ONECUT3: variants seen among roughly 807,000 people sequenced by gnomAD.
ONECUT3 encodes the protein one cut domain family member 3.
ONECUT3 carries 11 observed loss-of-function variants against 16.8 expected under a neutral mutation model. The ratio of observed to expected loss-of-function variants is 0.66; its 90% CI spans 0.41 to 1.09. ONECUT3 has a LOEUF of 1.09. Among genes scored for constraint, ONECUT3 ranks in the 50% least tolerant of loss-of-function variants. ONECUT3 has a pLI of 0.00. For synonymous variants in ONECUT3, 344 were observed against 310.7 expected (o/e 1.11, Z -1.13); for missense variants, 637 against 629.9 (o/e 1.01, Z -0.12).
Position 1,766,942 on chromosome 19 carries a change from A to C in ONECUT3, c.1193-8211A>C, listed in dbSNP as rs1338947733. On this transcript the variant is annotated intron_variant, in intron 1 of 1. Transcript: ENST00000382349. This position sits in a 1 kb window ranked among gnomAD's most constrained non-coding sequence, Gnocchi z 4.0. ...AAGATCTCAGGCCCCACGAGGCTAA[A>C]AGGAGGAACAGTGGCCCCTGGGAGT... is the stretch of plus-strand genomic sequence containing the variant. Among the ~76,000 whole-genome samples, 1 of 151,924 alleles carries C rather than the reference A, an allele frequency of 6.6e-6. No individual in the cohort carries two copies. Among genetic ancestry groups the C allele is most frequent in the African/African-American group, 2.4e-5 (1 of 41,350 alleles).
intron 1 of ONECUT3, among the ~76,000 whole-genome samples, chr19:1,757,480 C>T (rs1600338599): frequency 6.6e-6 from 1 of 152,370 alleles, no homozygotes; most frequent in African/African-American, 2.4e-5. Flanking sequence ...CCCCGAGCCT[C>T]CCGCAGGGCG....
rs1302227674 is a variant in ONECUT3 at position 1,755,738 on chromosome 19, C to T, written c.1192+884C>T. Among the ~76,000 whole-genome samples, 1 of 152,214 alleles carries T rather than the reference C, an allele frequency of 6.6e-6. No individual in the cohort carries two copies. Among genetic ancestry groups the T allele is most frequent in the African/African-American group, 2.4e-5 (1 of 41,436 alleles). Reference sequence around the variant, plus strand: ...CCTGCTCATTATCTCTTCTCCCTGTCGGTCTCTCCGCCTCTGTCTCTGTCT... The same window carrying T: ...CCTGCTCATTATCTCTTCTCCCTGTTGGTCTCTCCGCCTCTGTCTCTGTCT... On this transcript the variant is annotated intron_variant, in intron 1 of 1. Transcript: ENST00000382349. The surrounding 1 kb of genome is among the most constrained non-coding windows in gnomAD (Gnocchi z 7.5).
rs375040952 is a variant in ONECUT3 at position 1,759,368 on chromosome 19, T to C, written c.1192+4514T>C. Among the ~76,000 whole-genome samples, 1 of 151,138 alleles carries C rather than the reference T, an allele frequency of 6.6e-6. No homozygotes were observed. The highest frequency in any genetic ancestry group is 1.5e-5 in the Non-Finnish European group (1 of 67,798). On this transcript the variant is annotated intron_variant, in intron 1 of 1. Transcript: ENST00000382349. This position sits in a 1 kb window ranked among gnomAD's most constrained non-coding sequence, Gnocchi z 4.1. ...CGCTGCCACCATCAAGGGCTGAGGTTGAAATGGGCGAGGCAATCTGGGAGT... is the reference window on the plus strand; with the variant it reads ...CGCTGCCACCATCAAGGGCTGAGGTCGAAATGGGCGAGGCAATCTGGGAGT...
Position 1,778,554 on chromosome 19 carries a change from C to T in ONECUT3, c.*3109C>T, listed in dbSNP as rs1043686856. Reference sequence around the variant, plus strand: ...GGGTGCTGGGTCTCCTAGATGCCCTCTGCTTGGCCTTCAAGGCCCCAAGGG... The same window carrying T: ...GGGTGCTGGGTCTCCTAGATGCCCTTTGCTTGGCCTTCAAGGCCCCAAGGG... On this transcript the variant is annotated 3_prime_UTR_variant, in exon 2 of 2. Coordinates refer to ENST00000382349, the MANE Select transcript of ONECUT3 (RefSeq NM_001080488.2). 39 of 151,996 alleles carry T rather than the reference C, an allele frequency of 2.6e-4. 2 individuals are homozygous for T. Among genetic ancestry groups the T allele is most frequent in the Non-Finnish European group, 1.5e-5 (1 of 68,014 alleles). The allele number at this position is 151,996 out of a possible 1,614,324, so 9.4% of individuals were successfully genotyped here. A position where few individuals can be genotyped will look rare whatever the true frequency, so the allele number is the denominator to read the frequency against.
At chr19:1,775,126 G>GGGCGC in intron 1 of ONECUT3, 27 bp from the exon 2 acceptor site, 2 of 1,143,894 alleles carry the variant, frequency 1.7e-6, no homozygotes, top group Non-Finnish European at 2.4e-6. Context: ...TGTCCCGCTC[G>GGGCGC]CCCGCCCGCC....
chr19:1,772,509 A>T (rs1057391016), intron 1 of ONECUT3, among the ~76,000 whole-genome samples: 1 of 151,488 alleles, frequency 6.6e-6, no homozygotes, highest in Non-Finnish European at 1.5e-5. Flanking sequence ...CTGGAAACTC[A>T]TCTTTCAACG....
In ONECUT3 at chr19:1,779,379, C is replaced by G. The variant is rs184947323; in HGVS notation, c.*3934C>G. ...TACAGATTTCTTATTTAAATGAGTC[C>G]TTTAGGAAAGAAAGGAAGAGAGAGA... On this transcript the variant is annotated 3_prime_UTR_variant, in exon 2 of 2. Coordinates refer to ENST00000382349, the MANE Select transcript of ONECUT3 (RefSeq NM_001080488.2). The G allele has an allele frequency of 1.3e-5, 2 of 151,220 alleles. No homozygotes were observed. The highest frequency in any genetic ancestry group is 1.3e-4 in the Admixed American group (2 of 15,160). 9.4% of individuals were successfully genotyped at this position (151,220 alleles called of 1,614,324 possible).
At chr19:1,775,132 C>CCGCCCGCCGCT (rs747817539) in intron 1 of ONECUT3, 21 bp from the exon 2 acceptor site, 25 of 1,268,960 alleles carry the variant, frequency 2.0e-5, no homozygotes, top group South Asian at 6.2e-5. Flanking sequence ...GCTCGCCCGC[C>CCGCCCGCCGCT]CGCCCGCCGC....
chr19:1,769,427 G>C (rs1281548593), intron 1 of ONECUT3, among the ~76,000 whole-genome samples: 1 of 152,086 alleles, frequency 6.6e-6, no homozygotes, highest in East Asian at 1.9e-4. Flanking sequence ...CATGAGGCTG[G>C]TGGTTGGTAC....
chr19:1,765,652 G>A (rs2067980497), intron 1 of ONECUT3, among the ~76,000 whole-genome samples: 1 of 152,198 alleles, frequency 6.6e-6, no homozygotes, highest in African/African-American at 2.4e-5. Flanking sequence ...CCGTGCTTCG[G>A]CGTTCATTCC....
At position 1,778,891 on chromosome 19, in the gene ONECUT3, C is replaced by CACAT. The variant is rs35219912; in HGVS notation, c.*3449_*3450insTACA. 0.079 allele frequency: 11,897 copies of CACAT among 150,914 alleles called. 590 individuals are homozygous for CACAT. Among genetic ancestry groups the CACAT allele is most frequent in the East Asian group, 0.19 (968 of 5,038 alleles). 9.3% of individuals were successfully genotyped at this position (150,914 alleles called of 1,614,324 possible). ...TCACACACACACACACACACACACACACACACACACACACACACACACCCC... is the reference window on the plus strand; with the variant it reads ...TCACACACACACACACACACACACACACATACACACACACACACACACACACCCC... On this transcript the variant is annotated 3_prime_UTR_variant, in exon 2 of 2. Coordinates refer to ENST00000382349, the MANE Select transcript of ONECUT3 (RefSeq NM_001080488.2).
rs1250955144 is a variant in ONECUT3 at position 1,758,732 on chromosome 19, G to A, written c.1192+3878G>A. On this transcript the variant is annotated intron_variant, in intron 1 of 1. Transcript: ENST00000382349. The surrounding 1 kb of genome is among the most constrained non-coding windows in gnomAD (Gnocchi z 5.9). ...CTCCTGGTCAAAGCTCTCCCCTGGC[G>A]CCGTCTCCAACAGTAATTATGGGAG... Among the ~76,000 whole-genome samples the A allele has an allele frequency of 1.3e-5, 2 of 150,172 alleles. No homozygotes were observed. Among genetic ancestry groups the A allele is most frequent in the Admixed American group, 6.6e-5 (1 of 15,162 alleles).
At chr19:1,767,544 A>G (rs1178109981) in intron 1 of ONECUT3, among the ~76,000 whole-genome samples, 1 of 152,144 alleles carries the variant, frequency 6.6e-6, no homozygotes. Flanking sequence ...GTCTCCCCCC[A>G]GTCCAGCCCC....
At chr19:1,770,768 C>T (rs1392550361) in intron 1 of ONECUT3, among the ~76,000 whole-genome samples, 1 of 152,180 alleles carries the variant, frequency 6.6e-6, no homozygotes, top group Non-Finnish European at 1.5e-5. Flanking sequence ...GAGGTCAATT[C>T]AGTTTTTTGC....
In ONECUT3 at chr19:1,777,694, T is replaced by C. The variant is rs1269917680; in HGVS notation, c.*2249T>C. 1 of 152,204 alleles carries C rather than the reference T, an allele frequency of 6.6e-6. No homozygotes were observed. The highest frequency in any genetic ancestry group is 1.9e-4 in the East Asian group (1 of 5,194). The allele number at this position is 152,204 out of a possible 1,614,324, so 9.4% of individuals were successfully genotyped here. A position where few individuals can be genotyped will look rare whatever the true frequency, so the allele number is the denominator to read the frequency against. ...TCCAGGGCCCACGTTTTAATTTCTT[T>C]TTAAAAAGCTTTAGGTCTTGCCGGG... On this transcript the variant is annotated 3_prime_UTR_variant, in exon 2 of 2. Coordinates refer to ENST00000382349, the MANE Select transcript of ONECUT3 (RefSeq NM_001080488.2).
In ONECUT3 at chr19:1,758,333, GAGAC is replaced by G. The variant is rs1367323583; in HGVS notation, c.1192+3483_1192+3486del. Among the ~76,000 whole-genome samples the G allele has an allele frequency of 5.4e-3, 779 of 145,398 alleles. 10 individuals carry two copies. The highest frequency in any genetic ancestry group is 0.017 in the African/African-American group (626 of 37,454). On this transcript the variant is annotated intron_variant, in intron 1 of 1. Coordinates refer to ENST00000382349, the MANE Select transcript of ONECUT3 (RefSeq NM_001080488.2). The surrounding 1 kb of genome is among the most constrained non-coding windows in gnomAD (Gnocchi z 5.9). ...AAAAAAAAAGAGAGAGAGAGAGAGA[GAGAC>G]AGAGATGGGAGAGGAACTCTGGGTG...
At position 1,775,791 on chromosome 19, in the gene ONECUT3, A is replaced by C; in HGVS notation, c.*346A>C. The C allele has an allele frequency of 8.9e-5, 17 of 190,886 alleles. No individual in the cohort carries two copies. The highest frequency in any genetic ancestry group is 1.3e-4 in the Non-Finnish European group (12 of 94,348). The allele number at this position is 190,886 out of a possible 1,614,324, so 11.8% of individuals were successfully genotyped here. On this transcript the variant is annotated 3_prime_UTR_variant, in exon 2 of 2. Coordinates refer to ENST00000382349, the MANE Select transcript of ONECUT3 (RefSeq NM_001080488.2). The stretch of plus-strand genomic sequence containing the variant: ...CCAGGGCTCACTGTGTTGTCCCCTA[A>C]AGCGGGTCAAGAAGCACATACTAGA...
intron 1 of ONECUT3, among the ~76,000 whole-genome samples, chr19:1,772,201 C>CA (rs1003139051): frequency 1.3e-5 from 2 of 151,224 alleles, no homozygotes; most frequent in Non-Finnish European, 2.9e-5. Flanking sequence ...TTTGTGGAGA[C>CA]AGAGTTTCAT....
chr19:1,770,667 T>A (rs1361695010), intron 1 of ONECUT3, among the ~76,000 whole-genome samples: 1 of 152,216 alleles, frequency 6.6e-6, no homozygotes, highest in Non-Finnish European at 1.5e-5. Flanking sequence ...AAGGCCCCGG[T>A]TGAGTTTTGA....
Sources: allele counts gnomAD v4.1 joint callset (sites outside exome capture counted in the v4.1 genomes callset), GRCh38; gene constraint gnomAD v4.1.1; non-coding constraint Gnocchi (gnomAD v3.1); transcripts MANE v1.5; gene names NCBI Gene and HGNC (gene_info 2026-07-23, HGNC 2026-07-21).